SDK1: variants seen among roughly 807,000 people sequenced by gnomAD.
The protein encoded by SDK1 is sidekick cell adhesion molecule 1.
Under a neutral mutation model 245.5 loss-of-function variants are expected in SDK1, and 157 were observed. The ratio of observed to expected loss-of-function variants is 0.64; its 90% CI spans 0.56 to 0.73. The LOEUF is 0.73. Among genes scored for constraint, SDK1 ranks in the 30% least tolerant of loss-of-function variants. The pLI is 0.00. For missense variants in SDK1, 3,583 were observed against 3,002.3 expected (o/e 1.19, Z -4.52); for synonymous variants, 1,647 against 1,278.5 (o/e 1.29, Z -6.15).
At chr7:3,887,847 C>T (rs548973883) in intron 5 of SDK1, among the ~76,000 whole-genome samples, 9 of 152,212 alleles carry the variant, frequency 5.9e-5, no homozygotes, top group East Asian at 1.9e-4. Context: ...TGCATTTTAA[C>T]GTTAATTTCA....
rs555887410 is a variant in SDK1, at chr7:4,012,229, T to G, written c.2414T>G (p.Ile805Ser). The G allele has an allele frequency of 6.6e-7, 1 of 1,509,150 alleles. No individual in the cohort carries two copies. The highest frequency in any genetic ancestry group is 1.4e-5 in the South Asian group (1 of 73,244). The allele number at this position is 1,509,150 out of a possible 1,614,324, so 93.5% of individuals were successfully genotyped here. A position where few individuals can be genotyped will look rare whatever the true frequency, so the allele number is the denominator to read the frequency against. The change falls in exon 16 of 45, where the codon ATC becomes AGC. Residue 805 changes from isoleucine (I) to serine (S), a missense_variant. Transcript: ENST00000404826. ...CACAACGGGGTGTTGCGTGGATACA[T>G]CCTCAGGCAAGTGCCCTGTGATTGG... ...TEHNGVLRGY[I>S]LRYRLAGLPG...
chr7:3,972,702 A>G (rs1436315946), intron 12 of SDK1, among the ~76,000 whole-genome samples: 1 of 152,210 alleles, frequency 6.6e-6, no homozygotes, highest in Non-Finnish European at 1.5e-5. Context: ...CAGAGGGGAC[A>G]GCTGTGGGTG....
At chr7:4,106,673 C>G (rs1284485409) in intron 22 of SDK1, among the ~76,000 whole-genome samples, 1 of 152,190 alleles carries the variant, frequency 6.6e-6, no homozygotes, top group African/African-American at 2.4e-5. Context: ...CTCAGAGAAA[C>G]CCGATGAGCC....
At chr7:3,503,528 AT>A (rs1782284840) in intron 1 of SDK1, among the ~76,000 whole-genome samples, 1 of 152,128 alleles carries the variant, frequency 6.6e-6, no homozygotes. Context: ...AAGTTAAAAA[AT>A]TAGCCAGTTG....
At chr7:3,414,971 A>G (rs1318141095) in intron 1 of SDK1, among the ~76,000 whole-genome samples, 1 of 152,194 alleles carries the variant, frequency 6.6e-6, no homozygotes, top group Non-Finnish European at 1.5e-5. Flanking sequence ...TTAATTTATC[A>G]GTTGATGAAC....
chr7:4,065,668 A>G (rs1779829979), intron 19 of SDK1, among the ~76,000 whole-genome samples: 1 of 145,248 alleles, frequency 6.9e-6, no homozygotes, highest in Non-Finnish European at 1.5e-5. Context: ...AGTCTTTTCA[A>G]AGTTTCACCC....
At chr7:4,177,733 C>T (rs1184236114) in intron 34 of SDK1, among the ~76,000 whole-genome samples, 2 of 152,172 alleles carry the variant, frequency 1.3e-5, no homozygotes, top group East Asian at 1.9e-4. Flanking sequence ...AAGTGCATCC[C>T]ATTTATTGTG....
chr7:3,986,347 C>T (rs1194845680), intron 13 of SDK1, among the ~76,000 whole-genome samples: 1 of 152,160 alleles, frequency 6.6e-6, no homozygotes, highest in Non-Finnish European at 1.5e-5. Context: ...CCCATAACTC[C>T]AGCAGAAGAC....
Position 4,051,645 on chromosome 7 carries a change from C to T in SDK1, c.2726C>T (p.Ala909Val). The change falls in exon 19 of 45, where the codon GCA becomes GTA. Residue 909 changes from alanine to valine, a missense_variant. Transcript: ENST00000404826. ...NGINQGYKLL[A>V]WPADAPEAVT... is the part of the protein sequence containing the mutation. The stretch of plus-strand genomic sequence containing the variant: ...CACCCTGTTCCATCTCAGCTTCTGG[C>T]ATGGCCGGCAGATGCCCCCGAGGCT... The T allele has an allele frequency of 1.2e-6, 2 of 1,610,242 alleles. No homozygotes were observed. Among genetic ancestry groups the T allele is most frequent in the Non-Finnish European group, 1.7e-6 (2 of 1,178,518 alleles).
intron 1 of SDK1, among the ~76,000 whole-genome samples, chr7:3,359,658 G>A (rs1780900213): frequency 6.6e-6 from 1 of 152,166 alleles, no homozygotes; most frequent in East Asian, 1.9e-4. Context: ...TTCCACTCCA[G>A]GAGATGCTGG....
intron 4 of SDK1, among the ~76,000 whole-genome samples, chr7:3,682,846 C>A (rs1008567170): frequency 1.3e-5 from 2 of 151,960 alleles, no homozygotes; most frequent in Admixed American, 6.6e-5. Flanking sequence ...TCAAGTGATT[C>A]TCCTGCCTCA....
At chr7:4,032,717 T>A (rs1787914199) in intron 17 of SDK1, among the ~76,000 whole-genome samples, 1 of 152,148 alleles carries the variant, frequency 6.6e-6, no homozygotes, top group Non-Finnish European at 1.5e-5. Flanking sequence ...GAAGATCCCA[T>A]TTACAATAAC....
intron 1 of SDK1, among the ~76,000 whole-genome samples, chr7:3,493,396 TTCA>T (rs1314734708): frequency 1.3e-5 from 2 of 152,244 alleles, no homozygotes; most frequent in Non-Finnish European, 2.9e-5. Context: ...ATTTACTGTA[TTCA>T]TCAGATTTTA....
intron 1 of SDK1, among the ~76,000 whole-genome samples, chr7:3,534,255 A>T (rs1778805615): frequency 6.6e-6 from 1 of 152,118 alleles, no homozygotes; most frequent in South Asian, 2.1e-4. Flanking sequence ...ATATTCCATT[A>T]TATGTATATA....
chr7:3,904,765 G>A lies in SDK1; in HGVS notation c.848-46158G>A, dbSNP rs535656007. Among the ~76,000 whole-genome samples the A allele has an allele frequency of 8.5e-5, 13 of 152,160 alleles. No homozygotes were observed. The East Asian group carries it at 1.4e-3, about 16-fold the overall frequency. ...TCCCAGCACTTTGGGAGGCCTAGGA[G>A]GGGGGATCACAAGGTCAGGAGATCG... On this transcript the variant is annotated intron_variant, in intron 5 of 44. Transcript: ENST00000404826.
chr7:3,402,828 G>A (rs1236186411), intron 1 of SDK1, among the ~76,000 whole-genome samples: 1 of 152,076 alleles, frequency 6.6e-6, no homozygotes, highest in African/African-American at 2.4e-5. Context: ...ATAGCTATGT[G>A]GAATGTAAAG....
At position 3,792,915 on chromosome 7, in the gene SDK1, T is replaced by C. The variant is rs12333491; in HGVS notation, c.714-28535T>C. On this transcript the variant is annotated intron_variant, in intron 4 of 44. Transcript: ENST00000404826. ...TGGCGTTTTAACATAGAAAGCTTAATGAGTGCATTCAGTTCTGCTTTGGAA... is the reference window on the plus strand; with the variant it reads ...TGGCGTTTTAACATAGAAAGCTTAACGAGTGCATTCAGTTCTGCTTTGGAA... Among the ~76,000 whole-genome samples the C allele has an allele frequency of 5.6e-3, 850 of 152,368 alleles. 9 individuals carry two copies. The highest frequency in any genetic ancestry group is 0.02 in the African/African-American group (817 of 41,582).
chr7:3,958,427 T>C (rs1335152428), intron 7 of SDK1: 1 of 185,038 alleles, frequency 5.4e-6, no homozygotes, highest in Non-Finnish European at 1.1e-5. Flanking sequence ...CCTTATATGT[T>C]TTCTCTTAGT....
intron 1 of SDK1, among the ~76,000 whole-genome samples, chr7:3,508,367 C>T (rs118040695): frequency 0.032 from 4,752 of 149,184 alleles, 117 homozygotes; most frequent in Middle Eastern, 0.079. Context: ...GCCCTGTTGC[C>T]CTGGCTGGAG....
Sources: gnomAD v4.1 joint callset for allele counts (sites outside exome capture counted in the v4.1 genomes callset) on GRCh38, gnomAD v4.1.1 for gene constraint, MANE v1.5 for transcripts, NCBI Gene and HGNC (gene_info 2026-07-23, HGNC 2026-07-21) for gene names.